Variants in MYOM2 observed in about 807,000 individuals in gnomAD.
MYOM2 encodes the protein myomesin 2.
Under a neutral mutation model 187.6 loss-of-function variants are expected in MYOM2, and 254 were observed. The ratio of observed to expected loss-of-function variants is 1.35; its 90% confidence interval spans 1.22 to 1.50. The LOEUF is 1.50. Among genes scored for constraint, MYOM2 ranks in the 40% most tolerant of loss-of-function variants. The pLI, the probability that MYOM2 is intolerant of heterozygous loss-of-function variation, is 0.00. For missense variants in MYOM2, 2,796 were observed against 1,924.0 expected, an observed-to-expected ratio of 1.45 and a Z score of -8.48; for synonymous variants, 981 against 753.8, an observed-to-expected ratio of 1.30 and a Z score of -4.94.
At position 2,058,803 on chromosome 8, in the gene MYOM2, C is replaced by T. The variant is rs556551597; in HGVS notation, c.561-350C>T. ...TCAGTGCGTTAGGTCCCGCAGAACT[C>T]CCTGAGACACTAGCTACACTGCAGC... On this transcript the variant is annotated intron_variant, in intron 5 of 36. Transcript: ENST00000262113. 1.3e-3 allele frequency among the ~76,000 whole-genome samples: 198 copies of T among 152,312 alleles called. 1 individual carries two copies. The highest frequency in any genetic ancestry group is 6.8e-3 in the Middle Eastern group (2 of 294).
intron 32 of MYOM2, among the ~76,000 whole-genome samples, chr8:2,134,480 C>T (rs35843254): frequency 0.13 from 19,835 of 152,190 alleles, 2,197 homozygotes; most frequent in African/African-American, 0.28. Flanking sequence ...GTAAATACTT[C>T]AGGACTTGGC....
In MYOM2 at chr8:2,067,153, G is replaced by A. The variant is rs76068072; in HGVS notation, c.654-2125G>A. Among the ~76,000 whole-genome samples the A allele has an allele frequency of 8.5e-3, 1,293 of 152,264 alleles. 12 individuals carry two copies. The highest frequency in any genetic ancestry group is 0.029 in the African/African-American group (1,194 of 41,542). On this transcript the variant is annotated intron_variant, in intron 6 of 36. Transcript: ENST00000262113. ...GTTCTTTCCCTTTTGTTGGAGAAAC[G>A]GAAATTTTTGATCTAAGAAAATATT...
rs1818772129 is a variant in MYOM2, at chr8:2,059,208, G to T, written c.616G>T (p.Glu206Ter). Reference protein sequence around the residue: ...QAAEPGKYRIESNYGVHTLEI... With the variant: ...QAAEPGKYRI ...GGCTGAACCGGGAAAGTACAGGATT[G>T]AGAGCAACTATGGCGTACACACACT... The change falls in exon 6 of 37, where the codon GAG (glutamate) becomes TAG (stop). Residue 206 changes from glutamate (E) to a stop codon, truncating the protein, a stop_gained. Coordinates refer to ENST00000262113, the MANE Select transcript of MYOM2 (RefSeq NM_003970.4). LOFTEE classifies it high-confidence loss of function. 2 of 1,614,116 alleles carry T rather than the reference G, an allele frequency of 1.2e-6. No homozygotes were observed. Among genetic ancestry groups the T allele is most frequent in the Non-Finnish European group, 1.7e-6 (2 of 1,180,052 alleles).
intron 6 of MYOM2, among the ~76,000 whole-genome samples, chr8:2,067,731 C>A (rs575610065): frequency 1.4e-5 from 2 of 144,110 alleles, no homozygotes; most frequent in East Asian, 2.1e-4. Context: ...GTGAGCCTGG[C>A]TATTCCTAAG....
In MYOM2 at chr8:2,052,270, C is replaced by T. The variant is rs149520756; in HGVS notation, c.220C>T (p.Arg74Ter). The T allele has an allele frequency of 1.4e-5, 22 of 1,609,730 alleles. No homozygotes were observed. Among genetic ancestry groups the T allele is most frequent in the Admixed American group, 6.7e-5 (4 of 59,426 alleles). ...AACCATCTGCAGGGTCTGTGCGAAG[C>T]GAGTGAGCACGCAGGAAGATGAGGA... ...GGTICRVCAK[R>*]VSTQEDEEQE... The change falls in exon 3 of 37, where the codon CGA (arginine) becomes TGA (stop). Residue 74 changes from arginine (R) to a stop codon, truncating the protein, a stop_gained. Transcript: ENST00000262113. LOFTEE classifies it high-confidence loss of function.
At chr8:2,064,459 G>T (rs1818949109) in intron 6 of MYOM2, among the ~76,000 whole-genome samples, 1 of 152,214 alleles carries the variant, frequency 6.6e-6, no homozygotes, top group Non-Finnish European at 1.5e-5. Flanking sequence ...TCGTCAGTGG[G>T]TCGGGATCTT....
chr8:2,140,069 C>G (rs1314548056), intron 32 of MYOM2, among the ~76,000 whole-genome samples: 1 of 152,144 alleles, frequency 6.6e-6, no homozygotes, highest in Non-Finnish European at 1.5e-5. Context: ...CCTCAGTCCC[C>G]ATTCCCCTCC....
chr8:2,081,183 G>A (rs1285750278), intron 13 of MYOM2, among the ~76,000 whole-genome samples: 4 of 104,382 alleles, frequency 3.8e-5, no homozygotes. Flanking sequence ...CTGGCCTGCG[G>A]GAGGAACAGG....
Position 2,069,381 on chromosome 8 carries a change from G to A in MYOM2, c.742+15G>A, listed in dbSNP as rs746600359. 47 of 1,613,762 alleles carry A rather than the reference G, an allele frequency of 2.9e-5. No homozygotes were observed. The South Asian group carries it at 4.6e-4, about 16-fold the overall frequency. The stretch of plus-strand genomic sequence containing the variant: ...GGTGGTGAGAAGTGAGTGCCGGGTG[G>A]GCTTTCACGGGGCACCTCCCGCCTC... On this transcript the variant is annotated intron_variant, in intron 7 of 36. Coordinates refer to ENST00000262113, the MANE Select transcript of MYOM2 (RefSeq NM_003970.4).
In MYOM2 at chr8:2,090,076, C is replaced by T. The variant is rs144220288; in HGVS notation, c.1713C>T (p.Ala571=). The T allele has an allele frequency of 7.7e-5, 124 of 1,613,922 alleles. No homozygotes were observed. Among genetic ancestry groups the T allele is most frequent in the Admixed American group, 6.0e-4 (36 of 59,998 alleles). Residue 571 remains alanine (A), a synonymous_variant, in exon 15 of 37, where the codon GCC becomes GCT. Coordinates refer to ENST00000262113, the MANE Select transcript of MYOM2 (RefSeq NM_003970.4). ...AQTAVRSPRY[A]VFDLMEGKSY... ...CGGCTGTGAGATCCCCGAGATATGC[C>T]GTGTTTGACCTCATGGAAGGGAAGT...
At chr8:2,133,200 C>G (rs931396920) in intron 32 of MYOM2, among the ~76,000 whole-genome samples, 5 of 152,176 alleles carry the variant, frequency 3.3e-5, no homozygotes, top group African/African-American at 1.2e-4. Context: ...TCAGGCTGTC[C>G]CATCTTGTGG....
intron 31 of MYOM2, among the ~76,000 whole-genome samples, chr8:2,128,159 A>C (rs1797721949): frequency 6.6e-6 from 1 of 152,224 alleles, no homozygotes; most frequent in Admixed American, 6.5e-5. Flanking sequence ...AGTTTCCATT[A>C]TTTTAAATAA....
intron 32 of MYOM2, among the ~76,000 whole-genome samples, chr8:2,132,292 A>T (rs1797902182): frequency 1.3e-5 from 2 of 150,846 alleles, no homozygotes; most frequent in South Asian, 2.1e-4. Context: ...GAATTTTGTG[A>T]AATGCGGACG....
At chr8:2,124,696 A>G (rs951160526) in intron 31 of MYOM2, among the ~76,000 whole-genome samples, 2 of 152,212 alleles carry the variant, frequency 1.3e-5, no homozygotes, top group Non-Finnish European at 2.9e-5. Flanking sequence ...TATAGTGGCT[A>G]TATTAATTTA....
At chr8:2,066,207 C>T (rs899121959) in intron 6 of MYOM2, among the ~76,000 whole-genome samples, 1 of 152,190 alleles carries the variant, frequency 6.6e-6, no homozygotes, top group East Asian at 1.9e-4. Flanking sequence ...TGCAGCGGTT[C>T]CTGCACGGGA....
chr8:2,128,466 A>T (rs998237330), intron 31 of MYOM2, among the ~76,000 whole-genome samples: 1 of 152,236 alleles, frequency 6.6e-6, no homozygotes, highest in Non-Finnish European at 1.5e-5. Flanking sequence ...ATATCTGATA[A>T]CAATCTCTAC....
chr8:2,052,266 G>A lies in MYOM2; in HGVS notation c.216G>A (p.Ala72=), dbSNP rs1181829160. Residue 72 remains alanine (A), a synonymous_variant, in exon 3 of 37, where the codon GCG becomes GCA. Transcript: ENST00000262113. ...SLGGTICRVC[A]KRVSTQEDEE... ...GAGGAACCATCTGCAGGGTCTGTGC[G>A]AAGCGAGTGAGCACGCAGGAAGATG... The A allele has an allele frequency of 6.2e-6, 10 of 1,610,978 alleles. No homozygotes were observed. Among genetic ancestry groups the A allele is most frequent in the East Asian group, 4.5e-5 (2 of 44,800 alleles).
chr8:2,136,163 T>C (rs1433600713), intron 32 of MYOM2, among the ~76,000 whole-genome samples: 1 of 152,170 alleles, frequency 6.6e-6, no homozygotes, highest in Admixed American at 6.5e-5. Flanking sequence ...AACGCCAACA[T>C]GGGCAGCTCG....
At position 2,057,502 on chromosome 8, in the gene MYOM2, G is replaced by T. The variant is rs201279962; in HGVS notation, c.402+16G>T. On this transcript the variant is annotated intron_variant, in intron 4 of 36. Transcript: ENST00000262113. ...TCAGCAGATGGTAGGAGGGTCTCAG[G>T]GTGGCTGGGTGTCTGGGAAGCGTGG... The T allele has an allele frequency of 4.3e-6, 7 of 1,613,726 alleles. No individual in the cohort carries two copies. Among genetic ancestry groups the T allele is most frequent in the Non-Finnish European group, 5.9e-6 (7 of 1,179,886 alleles).
Sources: allele counts gnomAD v4.1 joint callset (sites outside exome capture counted in the v4.1 genomes callset), GRCh38; gene constraint gnomAD v4.1.1; transcripts MANE v1.5; gene names NCBI Gene and HGNC (gene_info 2026-07-23, HGNC 2026-07-21).